The following ARHGAP32 variants were observed in gnomAD, a reference collection of about 807,000 sequenced individuals.
The protein encoded by ARHGAP32 is Rho GTPase activating protein 32, also known as rho GTPase-activating protein 32.
A neutral mutation model predicts 186.5 loss-of-function variants in ARHGAP32; 51 were observed. That is an observed-to-expected ratio of 0.27 (90% confidence interval 0.22 to 0.35). The LOEUF (loss-of-function observed/expected upper bound fraction) is 0.35. ARHGAP32 is among the 10% of genes least tolerant of loss of function. ARHGAP32 has a pLI of 1.00. For synonymous variants in ARHGAP32, 950 were observed against 964.3 expected, an observed-to-expected ratio of 0.99 and a Z score of 0.27; for missense variants, 2,186 against 2,623.5, an observed-to-expected ratio of 0.83 and a Z score of 3.64.
At chr11:129,142,399 C>T (rs923480314) in intron 2 of ARHGAP32, among the ~76,000 whole-genome samples, 1 of 152,116 alleles carries the variant, frequency 6.6e-6, no homozygotes, top group African/African-American at 2.4e-5. Context: ...GACATAATTA[C>T]ATATACAGTA....
chr11:129,180,187 CATAA>C (rs1591677638), intron 1 of ARHGAP32, among the ~76,000 whole-genome samples: 2 of 151,988 alleles, frequency 1.3e-5, no homozygotes, highest in East Asian at 3.9e-4. Flanking sequence ...GACTACTACT[CATAA>C]ATAAAAAGGA....
chr11:129,114,821 C>T (rs1942319289), intron 5 of ARHGAP32, among the ~76,000 whole-genome samples: 2 of 152,052 alleles, frequency 1.3e-5, no homozygotes, highest in Non-Finnish European at 2.9e-5. Context: ...TTTTCTATCA[C>T]CATGGAAACC....
chr11:128,970,749 G>T lies in ARHGAP32; in HGVS notation c.4464C>A (p.Ser1488=), dbSNP rs763675583. Reference sequence around the variant, plus strand: ...TGGTGACATCGGGCCTAGCAAAGGAGGAGTAAACTGTTTTCTGAGAAGCAT... The same window carrying T: ...TGGTGACATCGGGCCTAGCAAAGGATGAGTAAACTGTTTTCTGAGAAGCAT... ...PKHASQKTVY[S]SFARPDVTTE... is the part of the protein sequence containing the mutation. Residue 1488 remains serine (S), a synonymous_variant, in exon 23 of 23, where the codon TCC becomes TCA. Transcript: ENST00000682385. The surrounding 1 kb of genome is among the most constrained non-coding windows in gnomAD (Gnocchi z 5.8). 5 of 1,614,176 alleles carry T rather than the reference G, an allele frequency of 3.1e-6. No individual in the cohort carries two copies. In the Admixed American group the frequency reaches 8.3e-5, roughly 27 times the overall value.
chr11:129,133,704 T>C (rs958382598), intron 2 of ARHGAP32, among the ~76,000 whole-genome samples: 2 of 152,068 alleles, frequency 1.3e-5, no homozygotes, highest in Non-Finnish European at 2.9e-5. Flanking sequence ...CATACTAAGA[T>C]AAGAGAAAAC....
At chr11:129,092,200 C>T (rs191554261) in intron 6 of ARHGAP32, among the ~76,000 whole-genome samples, 1 of 151,892 alleles carries the variant, frequency 6.6e-6, no homozygotes, top group Admixed American at 6.6e-5. Context: ...CCATGCTTGC[C>T]TTCTGAAGGT....
At chr11:128,986,254 A>G (rs1194889038) in intron 14 of ARHGAP32, among the ~76,000 whole-genome samples, 169 bp from the exon 15 acceptor site, 1 of 152,186 alleles carries the variant, frequency 6.6e-6, no homozygotes, top group Non-Finnish European at 1.5e-5. Context: ...CACAGTGTGA[A>G]CACTGAGATC....
At chr11:129,213,294 G>C (rs1233348251) in intron 1 of ARHGAP32, among the ~76,000 whole-genome samples, 3 of 152,126 alleles carry the variant, frequency 2.0e-5, no homozygotes, top group East Asian at 1.9e-4. Context: ...TGCTTCCTGA[G>C]TTAAACCAGA....
At chr11:129,094,814 G>A (rs1941685836) in intron 5 of ARHGAP32, among the ~76,000 whole-genome samples, 1 of 152,130 alleles carries the variant, frequency 6.6e-6, no homozygotes, top group African/African-American at 2.4e-5. Flanking sequence ...GAGTTCAAAT[G>A]TGTTTATAAT....
chr11:128,975,391 T>C (rs1390937948), intron 20 of ARHGAP32, among the ~76,000 whole-genome samples: 1 of 152,206 alleles, frequency 6.6e-6, no homozygotes, highest in African/African-American at 2.4e-5. Context: ...ATTAATCACT[T>C]TGAGTGGCAT....
intron 5 of ARHGAP32, among the ~76,000 whole-genome samples, chr11:129,120,762 G>T (rs1265907025): frequency 6.6e-6 from 1 of 152,024 alleles, no homozygotes; most frequent in African/African-American, 2.4e-5. Context: ...TAAAGACAAT[G>T]AATCTGTAAA....
At chr11:129,059,315 T>A (rs902816939) in intron 10 of ARHGAP32, among the ~76,000 whole-genome samples, 2 of 152,046 alleles carry the variant, frequency 1.3e-5, no homozygotes, top group African/African-American at 4.8e-5. Flanking sequence ...CTTTGTGAAA[T>A]TAAAGAAAAC....
intron 1 of ARHGAP32, among the ~76,000 whole-genome samples, chr11:129,177,182 T>A (rs1266241826): frequency 1.3e-5 from 2 of 151,736 alleles, no homozygotes; most frequent in Non-Finnish European, 2.9e-5. Flanking sequence ...AACTAGAAAA[T>A]ATAGAAGAAA....
At chr11:129,011,628 A>T (rs1939862998) in intron 11 of ARHGAP32, among the ~76,000 whole-genome samples, 1 of 152,214 alleles carries the variant, frequency 6.6e-6, no homozygotes, top group African/African-American at 2.4e-5. Flanking sequence ...AATTTTAAAC[A>T]TTTCAAAACA....
Position 128,970,674 on chromosome 11 carries a change from G to A in ARHGAP32, c.4539C>T (p.Asn1513=). The change falls in exon 23 of 23, where the codon AAC becomes AAT. Residue 1513 remains asparagine, a synonymous_variant. Coordinates refer to ENST00000682385, the MANE Select transcript of ARHGAP32 (RefSeq NM_001378024.1). The surrounding 1 kb of genome is among the most constrained non-coding windows in gnomAD (Gnocchi z 5.8). ...DNCLHFNMTP[N]CQYRPQSVPP... ...GTACACTCTGGGGACGGTACTGGCA[G>A]TTTGGAGTCATATTGAAATGCAAAC... The A allele has an allele frequency of 6.2e-7, 1 of 1,614,202 alleles. No individual in the cohort carries two copies. Among genetic ancestry groups the A allele is most frequent in the African/African-American group, 1.3e-5 (1 of 75,048 alleles).
chr11:129,264,927 T>C (rs1945375012), intron 1 of ARHGAP32, among the ~76,000 whole-genome samples: 5 of 152,220 alleles, frequency 3.3e-5, no homozygotes, highest in African/African-American at 1.2e-4. Context: ...TAAGAGTAGG[T>C]GGGTTAGCAA....
chr11:129,099,571 C>G (rs1941831362), intron 5 of ARHGAP32, among the ~76,000 whole-genome samples: 1 of 151,888 alleles, frequency 6.6e-6, no homozygotes, highest in Non-Finnish European at 1.5e-5. Context: ...CCCAAATACA[C>G]AAATAGATTG....
chr11:128,968,808 G>C lies in ARHGAP32; in HGVS notation c.*99C>G. ...TTATCATTTTTTAAATGTGGTCAGGGGTTTTATAGTATTTTTTGTTTAATC... is the reference window on the plus strand; with the variant it reads ...TTATCATTTTTTAAATGTGGTCAGGCGTTTTATAGTATTTTTTGTTTAATC... On this transcript the variant is annotated 3_prime_UTR_variant, in exon 23 of 23. Transcript: ENST00000682385. 1 of 969,234 alleles carries C rather than the reference G, an allele frequency of 1.0e-6. No homozygotes were observed. Among genetic ancestry groups the C allele is most frequent in the Non-Finnish European group, 1.4e-6 (1 of 720,398 alleles). The allele number at this position is 969,234 out of a possible 1,614,324, so 60.0% of individuals were successfully genotyped here.
chr11:129,267,865 T>A (rs956057017), intron 1 of ARHGAP32, among the ~76,000 whole-genome samples: 1 of 152,016 alleles, frequency 6.6e-6, no homozygotes, highest in Non-Finnish European at 1.5e-5. Flanking sequence ...GATCACATGG[T>A]GAGAGAGGAA....
chr11:129,203,776 C>T (rs1252826294), intron 1 of ARHGAP32, among the ~76,000 whole-genome samples: 1 of 149,064 alleles, frequency 6.7e-6, no homozygotes, highest in East Asian at 2.0e-4. Context: ...GTGGTGCACG[C>T]CTGTAATCTC....
Sources: gnomAD v4.1 joint callset for allele counts (sites outside exome capture counted in the v4.1 genomes callset) on GRCh38, gnomAD v4.1.1 for gene constraint, Gnocchi (gnomAD v3.1) non-coding constraint, MANE v1.5 for transcripts, NCBI Gene and HGNC (gene_info 2026-07-23, HGNC 2026-07-21) for gene names.